The following GLYAT variants were observed in gnomAD, a reference collection of about 807,000 sequenced individuals.
GLYAT encodes the protein glycine N-acyltransferase.
Under a neutral mutation model 22.8 loss-of-function variants are expected in GLYAT, and 25 were observed. The ratio of observed to expected loss-of-function variants is 1.09; its 90% CI spans 0.80 to 1.53. The LOEUF (loss-of-function observed/expected upper bound fraction) is 1.53. Ranked by LOEUF, GLYAT falls within the 40% of genes most tolerant of loss-of-function variation. The pLI is 0.00. For missense variants in GLYAT, 411 were observed against 353.9 expected, an observed-to-expected ratio of 1.16 and a Z score of -1.29; for synonymous variants, 140 against 122.7, an observed-to-expected ratio of 1.14 and a Z score of -0.93.
At chr11:58,722,720 T>C (rs1373103737) in intron 2 of GLYAT, among the ~76,000 whole-genome samples, 5 of 152,122 alleles carry the variant, frequency 3.3e-5, no homozygotes, top group Non-Finnish European at 5.9e-5. Flanking sequence ...CAAGATATTT[T>C]CCTTTCACAC....
chr11:58,714,549 C>T (rs117896964), intron 3 of GLYAT, among the ~76,000 whole-genome samples: 1,866 of 152,178 alleles, frequency 0.012, 15 homozygotes, highest in Non-Finnish European at 0.019. Flanking sequence ...CCAAATCTCA[C>T]CTTGAATTAT....
At chr11:58,716,080 C>T (rs1171569062) in intron 2 of GLYAT, among the ~76,000 whole-genome samples, 1 of 152,088 alleles carries the variant, frequency 6.6e-6, no homozygotes, top group African/African-American at 2.4e-5. Flanking sequence ...AGCTTGGGGT[C>T]CCCTAGCCTG....
intron 4 of GLYAT, 53 bp from the exon 5 acceptor site, chr11:58,710,814 A>G (rs1331195961): frequency 6.5e-6 from 7 of 1,076,444 alleles, no homozygotes; most frequent in African/African-American, 3.1e-5. Flanking sequence ...TCTAGACTGA[A>G]GTTCTGCAGT....
At chr11:58,727,586 G>A (rs900824465) in intron 1 of GLYAT, among the ~76,000 whole-genome samples, 8 of 152,034 alleles carry the variant, frequency 5.3e-5, no homozygotes, top group Admixed American at 5.2e-4. Context: ...TCTGCTTAGT[G>A]CAGACCCGAA....
chr11:58,709,905 G>A lies in GLYAT; in HGVS notation c.752C>T (p.Ala251Val), dbSNP rs1288923152. The change falls in exon 6 of 6, where the codon GCC (alanine) becomes GTC (valine). Residue 251 changes from alanine (A) to valine (V), a missense_variant. Coordinates refer to ENST00000344743, the MANE Select transcript of GLYAT (RefSeq NM_201648.3). ...GLVTYVIYSH[A>V]QKLGKLGFPV... ...AAACCCAAGTTTGCCCAATTTCTGG[G>A]CGTGGGAATAGATGACATACGTCAC... 6.2e-7 allele frequency: 1 copy of A among 1,614,114 alleles called. No individual in the cohort carries two copies. Among genetic ancestry groups the A allele is most frequent in the South Asian group, 1.1e-5 (1 of 91,082 alleles).
chr11:58,713,696 G>A (rs2134481561), intron 3 of GLYAT, among the ~76,000 whole-genome samples: 1 of 152,160 alleles, frequency 6.6e-6, no homozygotes, highest in African/African-American at 2.4e-5. Flanking sequence ...GAAGGTGGAT[G>A]AAAATATTAC....
chr11:58,729,565 A>T (rs879431376), intron 1 of GLYAT, among the ~76,000 whole-genome samples: 2 of 152,190 alleles, frequency 1.3e-5, no homozygotes, highest in Admixed American at 6.6e-5. Flanking sequence ...GGCACAGAGT[A>T]GGCCCTCAAT....
intron 5 of GLYAT, 68 bp from the exon 6 acceptor site, chr11:58,710,236 T>G: frequency 6.6e-7 from 1 of 1,526,562 alleles, no homozygotes; most frequent in East Asian, 2.3e-5. Context: ...TGACCTCTAT[T>G]GTCTTGAGAG....
chr11:58,728,579 A>G (rs1461800483), intron 1 of GLYAT: 1 of 152,072 alleles, frequency 6.6e-6, no homozygotes, highest in Non-Finnish European at 1.5e-5. Flanking sequence ...CATATGTTGA[A>G]CATCAGGATA....
rs754485619 is a variant in GLYAT at position 58,709,880 on chromosome 11, A to G, written c.777T>C (p.Phe259=). The G allele has an allele frequency of 1.2e-6, 2 of 1,614,164 alleles. No individual in the cohort carries two copies. The highest frequency in any genetic ancestry group is 1.7e-6 in the Non-Finnish European group (2 of 1,180,000). The change falls in exon 6 of 6, where the codon TTT becomes TTC. Residue 259 remains phenylalanine, a synonymous_variant. Transcript: ENST00000344743. The stretch of plus-strand genomic sequence containing the variant: ...TGTAGTCTACATGAGAATAGACAGG[A>G]AACCCAAGTTTGCCCAATTTCTGGG... The part of the protein sequence containing the change: ...SHAQKLGKLG[F]PVYSHVDYSN...
At chr11:58,713,574 C>A (rs888806935) in intron 3 of GLYAT, among the ~76,000 whole-genome samples, 4 of 152,074 alleles carry the variant, frequency 2.6e-5, no homozygotes, top group Admixed American at 6.6e-5. Context: ...AAAATGCCTT[C>A]TTTAAAAAAT....
chr11:58,730,424 G>C (rs1184555225), intron 1 of GLYAT, among the ~76,000 whole-genome samples: 1 of 152,176 alleles, frequency 6.6e-6, no homozygotes, highest in African/African-American at 2.4e-5. Context: ...GTAATTTGCT[G>C]TTTTGTGTAA....
chr11:58,727,814 A>G (rs1196989389), intron 1 of GLYAT, among the ~76,000 whole-genome samples: 1 of 152,142 alleles, frequency 6.6e-6, no homozygotes, highest in African/African-American at 2.4e-5. Flanking sequence ...GCATGCATAC[A>G]ATTCCAGTAA....
chr11:58,716,175 AGT>A (rs1856677776), intron 2 of GLYAT, among the ~76,000 whole-genome samples: 1 of 152,112 alleles, frequency 6.6e-6, no homozygotes, highest in Non-Finnish European at 1.5e-5. Context: ...GGTGAGAATG[AGT>A]GAGAGTAAAC....
intron 4 of GLYAT, among the ~76,000 whole-genome samples, chr11:58,711,089 A>T (rs2134478944): frequency 6.6e-6 from 1 of 152,178 alleles, no homozygotes; most frequent in East Asian, 1.9e-4. Context: ...AGTTTAGCCT[A>T]AATATTTACC....
At chr11:58,725,479 G>C (rs1856802104) in intron 1 of GLYAT, among the ~76,000 whole-genome samples, 2 of 152,102 alleles carry the variant, frequency 1.3e-5, no homozygotes, top group African/African-American at 4.8e-5. Context: ...ATTAAAACTG[G>C]TCTGATGCAA....
At chr11:58,724,600 G>GT (rs10535978) in intron 1 of GLYAT, 89 bp from the exon 2 acceptor site, 426 of 447,596 alleles carry the variant, frequency 9.5e-4, no homozygotes, top group East Asian at 6.3e-3. Flanking sequence ...TAATGACCAG[G>GT]TTTTTTTTTT....
intron 3 of GLYAT, among the ~76,000 whole-genome samples, chr11:58,714,129 G>A (rs183034860): frequency 1.3e-5 from 2 of 152,182 alleles, no homozygotes; most frequent in East Asian, 1.9e-4. Context: ...GAAGTAGAGA[G>A]TAGAATGGTA....
chr11:58,716,158 G>T (rs1856677452), intron 2 of GLYAT, among the ~76,000 whole-genome samples: 1 of 152,030 alleles, frequency 6.6e-6, no homozygotes, highest in African/African-American at 2.4e-5. Context: ...TGAAAGAGAG[G>T]GTAGGAGGTG....
Sources: gnomAD v4.1 joint callset for allele counts (sites outside exome capture counted in the v4.1 genomes callset) on GRCh38, gnomAD v4.1.1 for gene constraint, MANE v1.5 for transcripts, NCBI Gene and HGNC (gene_info 2026-07-23, HGNC 2026-07-21) for gene names.